Variants in VAV2 observed in about 807,000 individuals in gnomAD.
VAV2 encodes guanine nucleotide exchange factor VAV2.
A neutral mutation model predicts 132.5 loss-of-function variants in VAV2; 67 were observed. The ratio of observed to expected loss-of-function variants is 0.51; its 90% CI spans 0.42 to 0.62. The LOEUF (loss-of-function observed/expected upper bound fraction) is 0.62, where lower values mean the gene tolerates loss of function less well. Ranked by LOEUF, VAV2 falls within the 20% of genes least tolerant of loss-of-function variation. VAV2 has a pLI of 0.00. For synonymous variants in VAV2, 492 were observed against 443.5 expected, an observed-to-expected ratio of 1.11 and a Z score of -1.37; for missense variants, 938 against 1,153.6, an observed-to-expected ratio of 0.81 and a Z score of 2.71.
rs955727243 is a variant in VAV2 at position 133,794,141 on chromosome 9, G to A, written c.1101+1527C>T. ...GACCACACTCAGGGCCCGGGTGCAC[G>A]GCCCACTGCACCTGCTGTCACTGTC... On this transcript the variant is annotated intron_variant, in intron 12 of 29. Coordinates refer to ENST00000371850, the MANE Select transcript of VAV2 (RefSeq NM_001134398.2). The surrounding 1 kb of genome is among the most constrained non-coding windows in gnomAD (Gnocchi z 4.6). Among the ~76,000 whole-genome samples the A allele has an allele frequency of 2.6e-5, 4 of 152,008 alleles. No individual in the cohort carries two copies. Among genetic ancestry groups the A allele is most frequent in the African/African-American group, 9.7e-5 (4 of 41,370 alleles).
intron 2 of VAV2, among the ~76,000 whole-genome samples, chr9:133,899,387 A>C (rs1839350330): frequency 6.6e-6 from 1 of 150,914 alleles, no homozygotes; most frequent in African/African-American, 2.4e-5. Flanking sequence ...TGAGACCCCA[A>C]CTCTACCAAA....
At chr9:133,878,997 T>TGGGGCA (rs1838380924) in intron 2 of VAV2, among the ~76,000 whole-genome samples, 1 of 151,974 alleles carries the variant, frequency 6.6e-6, no homozygotes, top group South Asian at 2.1e-4. Context: ...AGGAGCATGG[T>TGGGGCA]GGGGCAGGGG....
intron 1 of VAV2, among the ~76,000 whole-genome samples, chr9:133,955,986 C>T (rs1841764770): frequency 6.6e-6 from 1 of 151,288 alleles, no homozygotes; most frequent in Non-Finnish European, 1.5e-5. Flanking sequence ...CAGCCAGCAC[C>T]TCACTGCCCA....
chr9:133,781,066 A>G (rs1021659855), intron 19 of VAV2, among the ~76,000 whole-genome samples: 1 of 152,182 alleles, frequency 6.6e-6, no homozygotes, highest in African/African-American at 2.4e-5. Flanking sequence ...CTCAAAGGGG[A>G]GATTTCCACA....
At chr9:133,889,294 G>A (rs1420551495) in intron 2 of VAV2, among the ~76,000 whole-genome samples, 1 of 152,174 alleles carries the variant, frequency 6.6e-6, no homozygotes, top group African/African-American at 2.4e-5. Context: ...GGGCTCACGG[G>A]CACGAGCCTA....
intron 1 of VAV2, among the ~76,000 whole-genome samples, chr9:133,949,896 T>A (rs1021555259): frequency 6.6e-6 from 1 of 152,216 alleles, no homozygotes; most frequent in Non-Finnish European, 1.5e-5. Flanking sequence ...TTTAGGGGTT[T>A]CACGCTCAGC....
At chr9:133,911,683 C>A (rs920899489) in intron 2 of VAV2, among the ~76,000 whole-genome samples, 1 of 152,200 alleles carries the variant, frequency 6.6e-6, no homozygotes, top group South Asian at 2.1e-4. Flanking sequence ...GTCTTTCCTG[C>A]TCCCCCATCA....
chr9:133,920,799 C>A (rs1018110615), intron 2 of VAV2, among the ~76,000 whole-genome samples: 1 of 152,118 alleles, frequency 6.6e-6, no homozygotes, highest in Non-Finnish European at 1.5e-5. Context: ...CGACACGGGG[C>A]CGCACCTCCA....
At position 133,841,549 on chromosome 9, in the gene VAV2, T is replaced by C. The variant is rs561347223; in HGVS notation, c.381-7209A>G. On this transcript the variant is annotated intron_variant, in intron 3 of 29. Transcript: ENST00000371850. ...TATGCAGCTCGTCCTGGAGTGAGTGTCCACAAACAGCCCTGCCCAGGGCCA... is the reference window on the plus strand; with the variant it reads ...TATGCAGCTCGTCCTGGAGTGAGTGCCCACAAACAGCCCTGCCCAGGGCCA... Among the ~76,000 whole-genome samples the C allele has an allele frequency of 2.0e-5, 3 of 152,062 alleles. No individual in the cohort carries two copies. The East Asian group carries it at 5.8e-4, about 29-fold the overall frequency.
At chr9:133,856,936 C>T (rs1342388334) in intron 3 of VAV2, among the ~76,000 whole-genome samples, 2 of 152,194 alleles carry the variant, frequency 1.3e-5, no homozygotes, top group Non-Finnish European at 2.9e-5. Flanking sequence ...CTAGCAGCCG[C>T]GGGCCTTCCA....
chr9:133,846,938 C>T (rs1315987204), intron 3 of VAV2, among the ~76,000 whole-genome samples: 1 of 152,210 alleles, frequency 6.6e-6, no homozygotes. Context: ...ACAGTAACCC[C>T]GAGGGGATGG....
chr9:133,843,245 C>T (rs1407365711), intron 3 of VAV2, among the ~76,000 whole-genome samples: 1 of 152,180 alleles, frequency 6.6e-6, no homozygotes, highest in Non-Finnish European at 1.5e-5. Context: ...CACGCAGAGA[C>T]AGCTCGGGGT....
At position 133,840,021 on chromosome 9, in the gene VAV2, T is replaced by A. The variant is rs1836655188; in HGVS notation, c.381-5681A>T. Among the ~76,000 whole-genome samples, 1 of 151,686 alleles carries A rather than the reference T, an allele frequency of 6.6e-6. No individual in the cohort carries two copies. On this transcript the variant is annotated intron_variant, in intron 3 of 29. Coordinates refer to ENST00000371850, the MANE Select transcript of VAV2 (RefSeq NM_001134398.2). This position sits in a 1 kb window ranked among gnomAD's most constrained non-coding sequence, Gnocchi z 4.5. ...CCCGAGGCCATCTTCAGGCACCAGC[T>A]GATTTTCCTTCCCGCACTTACCCCT...
At chr9:133,937,500 G>GTGTA (rs56394133) in intron 2 of VAV2, among the ~76,000 whole-genome samples, 4 of 32,708 alleles carry the variant, frequency 1.2e-4, no homozygotes, top group East Asian at 2.8e-3. Context: ...AAGAGTGTGT[G>GTGTA]CGTGTGAGTG....
intron 4 of VAV2, among the ~76,000 whole-genome samples, chr9:133,829,548 C>T (rs545976113): frequency 6.6e-6 from 1 of 152,382 alleles, no homozygotes; most frequent in South Asian, 2.1e-4. Flanking sequence ...GCAAGCACCA[C>T]AAAACGTAGG....
intron 1 of VAV2, among the ~76,000 whole-genome samples, chr9:133,968,886 C>T (rs1183727028): frequency 6.6e-6 from 1 of 152,178 alleles, no homozygotes; most frequent in African/African-American, 2.4e-5. Flanking sequence ...AGCAAATGTG[C>T]CTCACTGAGA....
chr9:133,886,403 G>A (rs1302254664), intron 2 of VAV2, among the ~76,000 whole-genome samples: 2 of 152,192 alleles, frequency 1.3e-5, no homozygotes, highest in African/African-American at 2.4e-5. Context: ...GTAACCTGCT[G>A]AAGGTCACCC....
chr9:133,883,505 A>C lies in VAV2; in HGVS notation c.322-22073T>G, dbSNP rs998009586. On this transcript the variant is annotated intron_variant, in intron 2 of 29. Coordinates refer to ENST00000371850, the MANE Select transcript of VAV2 (RefSeq NM_001134398.2). This position sits in a 1 kb window ranked among gnomAD's most constrained non-coding sequence, Gnocchi z 4.2. ...TGTTGAAACAATGAGGGGATAGAAC[A>C]ACCACTCACCCTGCAGACTCCCAAG... Among the ~76,000 whole-genome samples, 4 of 152,106 alleles carry C rather than the reference A, an allele frequency of 2.6e-5. No homozygotes were observed. Among genetic ancestry groups the C allele is most frequent in the African/African-American group, 9.7e-5 (4 of 41,436 alleles).
At position 133,928,935 on chromosome 9, in the gene VAV2, C is replaced by A. The variant is rs977339360; in HGVS notation, c.321+10168G>T. ...CCCCTGCCCACTGCCAGGGTCATCA[C>A]CCACGTGCTCAAACGCGGCTGGTAC... On this transcript the variant is annotated intron_variant, in intron 2 of 29. Coordinates refer to ENST00000371850, the MANE Select transcript of VAV2 (RefSeq NM_001134398.2). This position sits in a 1 kb window ranked among gnomAD's most constrained non-coding sequence, Gnocchi z 5.4. Among the ~76,000 whole-genome samples, 4 of 152,162 alleles carry A rather than the reference C, an allele frequency of 2.6e-5. No homozygotes were observed. The South Asian group carries it at 8.3e-4, about 32-fold the overall frequency.
Sources: allele counts gnomAD v4.1 joint callset (sites outside exome capture counted in the v4.1 genomes callset), GRCh38; gene constraint gnomAD v4.1.1; non-coding constraint Gnocchi (gnomAD v3.1); transcripts MANE v1.5; gene names NCBI Gene and HGNC (gene_info 2026-07-23, HGNC 2026-07-21).